GREM2: variants seen among roughly 807,000 people sequenced by gnomAD.
The protein encoded by GREM2 is gremlin 2, DAN family BMP antagonist.
A neutral mutation model predicts 14.2 loss-of-function variants in GREM2; 11 were observed. The observed-to-expected ratio is 0.78, with a 90% confidence interval of 0.49 to 1.28. The LOEUF (loss-of-function observed/expected upper bound fraction) is 1.28, where lower values mean the gene tolerates loss of function less well. GREM2 is among the 50% of genes most tolerant of loss of function. The pLI, the probability that GREM2 is intolerant of heterozygous loss-of-function variation, is 0.00. For missense variants in GREM2, 210 were observed against 218.5 expected (o/e 0.96, Z 0.24); for synonymous variants, 98 against 97.6 (o/e 1.00, Z -0.02).
chr1:240,531,589 G>A (rs2103315069), intron 1 of GREM2: 1 of 922,848 alleles, frequency 1.1e-6, no homozygotes, highest in African/African-American at 1.8e-5. Context: ...CAGAATAGTG[G>A]AGTTGGTGTG....
At chr1:240,505,295 C>A (rs552278704) in intron 1 of GREM2, among the ~76,000 whole-genome samples, 1 of 152,046 alleles carries the variant, frequency 6.6e-6, no homozygotes, top group Non-Finnish European at 1.5e-5. Context: ...TATACATTAC[C>A]CATTCTCAGA....
chr1:240,515,279 C>T (rs1328050028), intron 1 of GREM2, among the ~76,000 whole-genome samples: 2 of 152,174 alleles, frequency 1.3e-5, no homozygotes, highest in African/African-American at 2.4e-5. Context: ...AATACATACA[C>T]TTTTACAAGT....
chr1:240,592,858 G>T (rs991344588), intron 1 of GREM2, among the ~76,000 whole-genome samples: 1 of 152,038 alleles, frequency 6.6e-6, no homozygotes, highest in Non-Finnish European at 1.5e-5. Flanking sequence ...TCTTGGCCGG[G>T]CACGGTGGCT....
At chr1:240,585,602 CG>C (rs1307908160) in intron 1 of GREM2, among the ~76,000 whole-genome samples, 6 of 151,348 alleles carry the variant, frequency 4.0e-5, no homozygotes, top group African/African-American at 1.5e-4. Context: ...TGGTGGCGGG[CG>C]CCTGTAATCC....
At chr1:240,544,283 G>T (rs895344989) in intron 1 of GREM2, among the ~76,000 whole-genome samples, 7 of 152,012 alleles carry the variant, frequency 4.6e-5, no homozygotes, top group Non-Finnish European at 1.0e-4. Context: ...TAGTAGCTGG[G>T]ACTACAGGCA....
intron 1 of GREM2, among the ~76,000 whole-genome samples, chr1:240,564,639 G>A (rs1679140335): frequency 6.6e-6 from 1 of 152,154 alleles, no homozygotes; most frequent in Non-Finnish European, 1.5e-5. Context: ...GGTGGGGTTA[G>A]GAGAAAGCTA....
intron 1 of GREM2, among the ~76,000 whole-genome samples, chr1:240,520,082 A>AAAAATAAAATAAAATAAAATAAAAT (rs200273633): frequency 0.012 from 1,763 of 144,284 alleles, 22 homozygotes; most frequent in African/African-American, 0.017. Context: ...CTCCATCCCA[A>AAAAATAAAATAAAATAAAATAAAAT]AAAATAAAAT....
At chr1:240,516,321 C>T (rs1677955461) in intron 1 of GREM2, among the ~76,000 whole-genome samples, 1 of 152,030 alleles carries the variant, frequency 6.6e-6, no homozygotes, top group Admixed American at 6.6e-5. Flanking sequence ...GTCAGACCTG[C>T]ACATTCACAG....
chr1:240,517,858 A>ATATT (rs1558146113), intron 1 of GREM2, among the ~76,000 whole-genome samples: 1 of 152,246 alleles, frequency 6.6e-6, no homozygotes, highest in Non-Finnish European at 1.5e-5. Context: ...TTTACCAACT[A>ATATT]TATTATCAGG....
chr1:240,503,720 T>G (rs966686136), intron 1 of GREM2, among the ~76,000 whole-genome samples: 1 of 152,212 alleles, frequency 6.6e-6, no homozygotes, highest in Non-Finnish European at 1.5e-5. Context: ...CTGGCCACTG[T>G]TAGTCACTTA....
rs1040178683 is a variant in GREM2 at position 240,563,026 on chromosome 1, GTA to G, written c.-2+48856_-2+48857del. On this transcript the variant is annotated intron_variant, in intron 1 of 1. Transcript: ENST00000318160. ...TATGTGAGTGTATGTGTGTATGTGTGTATATGAGTGTGTATGTGTGTATGTGT... is the reference window on the plus strand; with the variant it reads ...TATGTGAGTGTATGTGTGTATGTGTGTATGAGTGTGTATGTGTGTATGTGT... 3.5e-4 allele frequency among the ~76,000 whole-genome samples: 53 copies of G among 150,142 alleles called. 1 individual carries two copies. The Middle Eastern group carries it at 0.01, about 29-fold the overall frequency.
chr1:240,556,424 T>A (rs1224906506), intron 1 of GREM2, among the ~76,000 whole-genome samples: 1 of 152,216 alleles, frequency 6.6e-6, no homozygotes, highest in African/African-American at 2.4e-5. Context: ...TCAGGAAGTC[T>A]ACTTATTAGT....
intron 1 of GREM2, among the ~76,000 whole-genome samples, chr1:240,562,573 T>C (rs1367285863): frequency 1.3e-5 from 2 of 152,224 alleles, no homozygotes; most frequent in African/African-American, 4.8e-5. Flanking sequence ...AATATTTCTT[T>C]GTGGGAAAGA....
rs754448523 is a variant in GREM2, at chr1:240,540,121, T to C, written c.-1-46645A>G. Among the ~76,000 whole-genome samples the C allele has an allele frequency of 3.3e-5, 5 of 152,186 alleles. No individual in the cohort carries two copies. The highest frequency in any genetic ancestry group is 5.9e-5 in the Non-Finnish European group (4 of 68,042). On this transcript the variant is annotated intron_variant, in intron 1 of 1. Transcript: ENST00000318160. This position sits in a 1 kb window ranked among gnomAD's most constrained non-coding sequence, Gnocchi z 4.2. ...GACTAAATTGCAGTTATGTCTTTAA[T>C]TGAAACCTAGTATTATTTTATTCCT... is the stretch of plus-strand genomic sequence containing the variant.
Position 240,491,352 on chromosome 1 carries a change from A to G in GREM2, c.*1617T>C, listed in dbSNP as rs972129916. 1 of 152,658 alleles carries G rather than the reference A, an allele frequency of 6.6e-6. No homozygotes were observed. Among genetic ancestry groups the G allele is most frequent in the Admixed American group, 6.5e-5 (1 of 15,276 alleles). The allele number at this position is 152,658 out of a possible 1,614,324, so 9.5% of individuals were successfully genotyped here. A position where few individuals can be genotyped will look rare whatever the true frequency, so the allele number is the denominator to read the frequency against. On this transcript the variant is annotated 3_prime_UTR_variant, in exon 2 of 2. Coordinates refer to ENST00000318160, the MANE Select transcript of GREM2 (RefSeq NM_022469.4). Reference sequence around the variant, plus strand: ...AGGGAATCATCAGTGAAAGGTTTTCAAAGTTTACTGATTCCCACCAATGGC... The same window carrying G: ...AGGGAATCATCAGTGAAAGGTTTTCGAAGTTTACTGATTCCCACCAATGGC...
intron 1 of GREM2, among the ~76,000 whole-genome samples, chr1:240,525,533 G>A (rs1169672638): frequency 6.6e-6 from 1 of 152,006 alleles, no homozygotes; most frequent in Non-Finnish European, 1.5e-5. Flanking sequence ...CTGGAGTACA[G>A]TGGCAACCAA....
chr1:240,527,069 G>GA (rs1270475341), intron 1 of GREM2, among the ~76,000 whole-genome samples: 7 of 152,116 alleles, frequency 4.6e-5, no homozygotes, highest in Non-Finnish European at 8.8e-5. Context: ...TCATGAGCAG[G>GA]AAAAAAGAAT....
intron 1 of GREM2, among the ~76,000 whole-genome samples, chr1:240,556,047 A>G (rs1360176119): frequency 6.6e-6 from 1 of 152,214 alleles, no homozygotes; most frequent in African/African-American, 2.4e-5. Context: ...TACTCAATAA[A>G]TACTGAAAAT....
At chr1:240,584,356 A>T (rs550033285) in intron 1 of GREM2, among the ~76,000 whole-genome samples, 1 of 152,014 alleles carries the variant, frequency 6.6e-6, no homozygotes, top group East Asian at 1.9e-4. Context: ...TTAGCCAGGC[A>T]TGCTGGTGGG....
Sources: allele counts gnomAD v4.1 joint callset (sites outside exome capture counted in the v4.1 genomes callset), GRCh38; gene constraint gnomAD v4.1.1; non-coding constraint Gnocchi (gnomAD v3.1); transcripts MANE v1.5; gene names NCBI Gene and HGNC (gene_info 2026-07-23, HGNC 2026-07-21).